Variants in FBXL2 observed in about 807,000 individuals in gnomAD.
FBXL2 encodes F-box/LRR-repeat protein 2.
In FBXL2, 38 loss-of-function variants were observed where a neutral mutation model predicts 69.2. The observed-to-expected ratio is 0.55, with a 90% CI of 0.42 to 0.72. The LOEUF (loss-of-function observed/expected upper bound fraction) is 0.72. Ranked by LOEUF, FBXL2 falls within the 30% of genes least tolerant of loss-of-function variation. The probability of loss-of-function intolerance (pLI) is 0.00; values close to 1 mark genes in which losing one functional copy is unlikely to be tolerated. For missense variants in FBXL2, 354 were observed against 520.3 expected (o/e 0.68, Z 3.11); for synonymous variants, 192 against 201.3 (o/e 0.95, Z 0.39).
At chr3:33,312,439 G>A (rs1432679940) in intron 2 of FBXL2, among the ~76,000 whole-genome samples, 1 of 152,172 alleles carries the variant, frequency 6.6e-6, no homozygotes, top group Non-Finnish European at 1.5e-5. Flanking sequence ...TTCCTTTGAT[G>A]GTGTTATGTT....
intron 1 of FBXL2, among the ~76,000 whole-genome samples, chr3:33,291,208 C>T (rs966495690): frequency 3.9e-5 from 6 of 152,216 alleles, no homozygotes; most frequent in Admixed American, 6.5e-5. Context: ...GAATTACAGG[C>T]GTGAGCTACT....
rs1392981621 is a variant in FBXL2 at position 33,388,083 on chromosome 3, A to AAAAAG, written c.*2480_*2484dup. 2 of 150,628 alleles carry AAAAAG rather than the reference A, an allele frequency of 1.3e-5. No homozygotes were observed. Among genetic ancestry groups the AAAAAG allele is most frequent in the South Asian group, 2.1e-4 (1 of 4,748 alleles). The allele number at this position is 150,628 out of a possible 1,614,324, so 9.3% of individuals were successfully genotyped here. On this transcript the variant is annotated 3_prime_UTR_variant, in exon 15 of 15. Coordinates refer to ENST00000484457, the MANE Select transcript of FBXL2 (RefSeq NM_012157.5). ...AGACTCCGTCTCAAAAAAAAAAAAA[A>AAAAAG]AAAAGAAAATCAGGTTTGCTTCCTT...
At chr3:33,332,094 A>C (rs2039211330) in intron 2 of FBXL2, among the ~76,000 whole-genome samples, 1 of 152,118 alleles carries the variant, frequency 6.6e-6, no homozygotes, top group Non-Finnish European at 1.5e-5. Context: ...TAAATACCTA[A>C]ATTAAAAAAA....
intron 2 of FBXL2, among the ~76,000 whole-genome samples, chr3:33,310,539 TA>T (rs1334224833): frequency 6.6e-6 from 1 of 152,230 alleles, no homozygotes; most frequent in Non-Finnish European, 1.5e-5. Flanking sequence ...TTCCGAATTT[TA>T]CTATGTATTT....
the FBXL2 span, among the ~76,000 whole-genome samples, chr3:33,414,766 A>C: frequency 6.6e-6 from 1 of 152,150 alleles, no homozygotes; most frequent in African/African-American, 2.4e-5. Flanking sequence ...CAAAAATCAC[A>C]CAGCTGGCTT....
chr3:33,378,953 T>C, intron 13 of FBXL2: 1 of 887,098 alleles, frequency 1.1e-6, no homozygotes. Context: ...AAAAGAGAAA[T>C]GTCCAGATCC....
rs1383996878 is a variant in FBXL2, at chr3:33,387,322, C to CA, written c.*1714_*1715insA. The CA allele has an allele frequency of 6.6e-6, 1 of 152,234 alleles. No individual in the cohort carries two copies. Among genetic ancestry groups the CA allele is most frequent in the Non-Finnish European group, 1.5e-5 (1 of 68,050 alleles). The allele number at this position is 152,234 out of a possible 1,614,324, so 9.4% of individuals were successfully genotyped here. On this transcript the variant is annotated 3_prime_UTR_variant, in exon 15 of 15. Coordinates refer to ENST00000484457, the MANE Select transcript of FBXL2 (RefSeq NM_012157.5). ...TCTATTAAAAAAAATTAACTTAAGG[C>CA]TGGCCACGGTGGTTCATGCCTATAA...
chr3:33,310,620 C>G (rs887002045), intron 2 of FBXL2, among the ~76,000 whole-genome samples: 9 of 151,592 alleles, frequency 5.9e-5, no homozygotes, highest in Non-Finnish European at 1.3e-4. Flanking sequence ...TAAGAATTAT[C>G]CTTAATTATT....
intron 2 of FBXL2, among the ~76,000 whole-genome samples, chr3:33,329,672 A>G (rs575450495): frequency 1.3e-5 from 2 of 152,340 alleles, no homozygotes; most frequent in East Asian, 3.9e-4. Context: ...AAAGACAAAT[A>G]TTGCATGTTC....
intron 2 of FBXL2, among the ~76,000 whole-genome samples, chr3:33,351,817 T>A (rs1049718451): frequency 6.6e-6 from 1 of 152,090 alleles, no homozygotes; most frequent in African/African-American, 2.4e-5. Context: ...GTTTTGTGGA[T>A]GTTCGTAAAA....
intron 4 of FBXL2, among the ~76,000 whole-genome samples, chr3:33,363,983 A>G (rs1472945429): frequency 6.6e-6 from 1 of 152,192 alleles, no homozygotes; most frequent in African/African-American, 2.4e-5. Flanking sequence ...CCCTGTCTCT[A>G]AAGAAAAAAA....
At chr3:33,393,455 C>G (rs796950235) in intron 12 of FBXL2, 1 of 1,578,978 alleles carries the variant, frequency 6.3e-7, no homozygotes, top group Non-Finnish European at 8.6e-7. Flanking sequence ...GCATGATAAA[C>G]TGAAATTAAA....
chr3:33,320,153 A>C (rs1459093731), intron 2 of FBXL2, among the ~76,000 whole-genome samples: 1 of 152,224 alleles, frequency 6.6e-6, no homozygotes, highest in East Asian at 1.9e-4. Context: ...GTGATAGCCA[A>C]GATATTTTGA....
chr3:33,373,448 A>G, intron 7 of FBXL2, 93 bp downstream of exon 7: 4 of 1,512,932 alleles, frequency 2.6e-6, no homozygotes, highest in Non-Finnish European at 3.7e-6. Context: ...CCAGCAAGAA[A>G]TAGGTGACTC....
chr3:33,355,692 A>G (rs2041152521), intron 2 of FBXL2, among the ~76,000 whole-genome samples: 1 of 152,202 alleles, frequency 6.6e-6, no homozygotes, highest in Admixed American at 6.5e-5. Flanking sequence ...CTCCCCTGTG[A>G]TTATTTATAA....
Position 33,342,352 on chromosome 3 carries a change from A to AAT in FBXL2, c.66-16604_66-16603dup, listed in dbSNP as rs534090754. On this transcript the variant is annotated intron_variant, in intron 2 of 14. Transcript: ENST00000484457. ...TTATATTGCTAATAGGAAGATTTAA[A>AAT]ATATATATATATTAAAAATTTAAAG... Among the ~76,000 whole-genome samples, 50 of 151,168 alleles carry AAT rather than the reference A, an allele frequency of 3.3e-4. No individual in the cohort carries two copies. In the South Asian group the frequency reaches 7.3e-3, roughly 22 times the overall value.
chr3:33,316,420 A>G (rs532020328), intron 2 of FBXL2, among the ~76,000 whole-genome samples: 3 of 152,204 alleles, frequency 2.0e-5, no homozygotes, highest in Non-Finnish European at 4.4e-5. Flanking sequence ...TAAGTGTGGG[A>G]TCCCATCCTA....
At chr3:33,339,837 A>G (rs140740951) in intron 2 of FBXL2, among the ~76,000 whole-genome samples, 2 of 152,386 alleles carry the variant, frequency 1.3e-5, no homozygotes, top group East Asian at 1.9e-4. Flanking sequence ...AAGGATATTT[A>G]TAGCAGTTTT....
At chr3:33,316,872 C>T (rs746080145) in intron 2 of FBXL2, among the ~76,000 whole-genome samples, 6 of 149,140 alleles carry the variant, frequency 4.0e-5, no homozygotes, top group South Asian at 2.2e-4. Flanking sequence ...TCACCACAGT[C>T]AGTGTATAGA....
Sources: gnomAD v4.1 joint callset for allele counts (sites outside exome capture counted in the v4.1 genomes callset) on GRCh38, gnomAD v4.1.1 for gene constraint, MANE v1.5 for transcripts, NCBI Gene and HGNC (gene_info 2026-07-23, HGNC 2026-07-21) for gene names.